Variants in RUNX1T1 observed in about 807,000 individuals in gnomAD.
The protein encoded by RUNX1T1 is protein CBFA2T1.
RUNX1T1 carries 4 observed loss-of-function variants against 62.8 expected under a neutral mutation model. The observed-to-expected ratio is 0.06, with a 90% CI of 0.03 to 0.15. The LOEUF (loss-of-function observed/expected upper bound fraction) is 0.15, where lower values mean the gene tolerates loss of function less well. RUNX1T1 is among the 10% of genes least tolerant of loss of function. The pLI, the probability that RUNX1T1 is intolerant of heterozygous loss-of-function variation, is 1.00. For missense variants in RUNX1T1, 508 were observed against 754.3 expected (o/e 0.67, Z 3.82); for synonymous variants, 291 against 286.0 (o/e 1.02, Z -0.18).
At chr8:91,972,081 CTTAA>C (rs934396405) in intron 9 of RUNX1T1, among the ~76,000 whole-genome samples, 13 of 152,112 alleles carry the variant, frequency 8.5e-5, no homozygotes, top group African/African-American at 2.2e-4. Context: ...AGTGTTTGCA[CTTAA>C]TTGTTTCACC....
exon 11 of RUNX1T1, chr8:91,959,466 G>GTGTA (rs749787366): frequency 2.5e-4 from 22 of 89,292 alleles, no homozygotes; most frequent in African/African-American, 1.3e-3. Context: ...GTGTGTGTGT[G>GTGTA]TATATGTGCG....
chr8:92,082,175 G>A (rs1835379278), intron 1 of RUNX1T1, among the ~76,000 whole-genome samples: 1 of 152,112 alleles, frequency 6.6e-6, no homozygotes, highest in South Asian at 2.1e-4. Flanking sequence ...TTGAGCCACC[G>A]CGCCTGGCCT....
At chr8:91,975,995 G>A in intron 8 of RUNX1T1, 22 bp from the exon 10 acceptor site, 2 of 1,569,476 alleles carry the variant, frequency 1.3e-6, no homozygotes, top group Non-Finnish European at 1.8e-6. Flanking sequence ...ATGGGAAGGG[G>A]GTGGAGAGAG....
At chr8:92,044,660 C>G (rs1021094431) in intron 1 of RUNX1T1, among the ~76,000 whole-genome samples, 1 of 152,216 alleles carries the variant, frequency 6.6e-6, no homozygotes, top group Non-Finnish European at 1.5e-5. Context: ...TCATTCTCAT[C>G]ACCACTACTG....
chr8:92,009,927 A>C (rs1821605716), intron 4 of RUNX1T1: 1 of 152,206 alleles, frequency 6.6e-6, no homozygotes, highest in Non-Finnish European at 1.5e-5. Flanking sequence ...ACAAAGCAGA[A>C]TATTTCATTT....
intron 1 of RUNX1T1, among the ~76,000 whole-genome samples, chr8:92,089,686 C>T (rs929454578): frequency 5.3e-5 from 8 of 152,130 alleles, no homozygotes; most frequent in South Asian, 2.1e-4. Context: ...CTCTTTAGTT[C>T]CCTCCTCACT....
At chr8:92,044,939 T>C (rs1274152548) in intron 1 of RUNX1T1, among the ~76,000 whole-genome samples, 1 of 151,786 alleles carries the variant, frequency 6.6e-6, no homozygotes, top group East Asian at 1.9e-4. Flanking sequence ...TAACAGAAAG[T>C]AATAAAATAG....
intron 1 of RUNX1T1, among the ~76,000 whole-genome samples, chr8:92,081,520 A>C (rs1001772309): frequency 8.6e-5 from 13 of 151,710 alleles, no homozygotes; most frequent in African/African-American, 3.1e-4. Context: ...AAAAAAACAT[A>C]AACTGATGTT....
intron 1 of RUNX1T1, among the ~76,000 whole-genome samples, chr8:92,098,345 C>G (rs1281407349): frequency 6.6e-6 from 1 of 152,136 alleles, no homozygotes; most frequent in Non-Finnish European, 1.5e-5. Flanking sequence ...GGATACAAAG[C>G]TGAAATGCAG....
intron 8 of RUNX1T1, among the ~76,000 whole-genome samples, chr8:91,984,787 T>C (rs1322385223): frequency 6.6e-6 from 1 of 152,230 alleles, no homozygotes; most frequent in Non-Finnish European, 1.5e-5. Flanking sequence ...CTAAATAGTT[T>C]GGCTTCGACC....
At chr8:91,995,091 A>G (rs1818413408) in intron 5 of RUNX1T1, among the ~76,000 whole-genome samples, 1 of 152,192 alleles carries the variant, frequency 6.6e-6, no homozygotes, top group South Asian at 2.1e-4. Context: ...ATCTTAGGGC[A>G]GCCCCTGCAG....
At chr8:92,009,536 T>G (rs1821523081) in intron 4 of RUNX1T1, 1 of 152,006 alleles carries the variant, frequency 6.6e-6, no homozygotes, top group African/African-American at 2.4e-5. Context: ...TGTAAGCTTT[T>G]TAAATTTTTT....
intron 4 of RUNX1T1, among the ~76,000 whole-genome samples, chr8:92,007,452 G>A (rs1586957631): frequency 1.3e-5 from 2 of 151,608 alleles, no homozygotes; most frequent in Admixed American, 6.6e-5. Flanking sequence ...GCAACAGAGC[G>A]AGACTCAGTC....
chr8:91,997,672 A>G (rs1237600687), intron 5 of RUNX1T1, among the ~76,000 whole-genome samples: 2 of 152,102 alleles, frequency 1.3e-5, no homozygotes, highest in African/African-American at 4.8e-5. Flanking sequence ...AAGCATCTCT[A>G]TACGGGTCCC....
chr8:92,083,059 T>C (rs1835527813), intron 1 of RUNX1T1, among the ~76,000 whole-genome samples: 1 of 152,192 alleles, frequency 6.6e-6, no homozygotes, highest in Admixed American at 6.5e-5. Context: ...TCCATATACA[T>C]AAAATTTTGC....
chr8:92,005,507 T>C, intron 4 of RUNX1T1: 1 of 518,950 alleles, frequency 1.9e-6, no homozygotes, highest in Non-Finnish European at 3.3e-6. Context: ...CTGACCCTTG[T>C]ACATCACTTT....
Position 91,991,122 on chromosome 8 carries a change from A to G in RUNX1T1, c.910+517T>C, listed in dbSNP as rs1488616939. Among the ~76,000 whole-genome samples, 4 of 152,166 alleles carry G rather than the reference A, an allele frequency of 2.6e-5. No individual in the cohort carries two copies. The East Asian group carries it at 5.8e-4, about 22-fold the overall frequency. The stretch of plus-strand genomic sequence containing the variant: ...CATTTTCAAGTAAAAAAAAGTACCA[A>G]ATCATTCCTTGGGAAACATCTGTTA... On this transcript the variant is annotated intron_variant, in intron 6 of 10. Coordinates refer to ENST00000396218, the Ensembl canonical transcript of RUNX1T1.
At chr8:92,049,557 A>G (rs1030523741) in intron 1 of RUNX1T1, among the ~76,000 whole-genome samples, 29 of 152,188 alleles carry the variant, frequency 1.9e-4, no homozygotes, top group African/African-American at 6.8e-4. Context: ...TGCCTGAATT[A>G]CCCACACTAC....
At chr8:92,098,796 C>A (rs1428516264) in intron 1 of RUNX1T1, among the ~76,000 whole-genome samples, 3 of 152,196 alleles carry the variant, frequency 2.0e-5, no homozygotes, top group Middle Eastern at 3.2e-3. Flanking sequence ...CAGGTGCAAA[C>A]CCTTCTCTTC....
Sources: gnomAD v4.1 joint callset for allele counts (sites outside exome capture counted in the v4.1 genomes callset) on GRCh38, gnomAD v4.1.1 for gene constraint, MANE v1.5 for transcripts, NCBI Gene and HGNC (gene_info 2026-07-23, HGNC 2026-07-21) for gene names.